The following CTNNA2 variants were observed in gnomAD, a reference collection of about 807,000 sequenced individuals.
The protein encoded by CTNNA2 is catenin alpha 2.
CTNNA2 carries 42 observed loss-of-function variants against 101.0 expected under a neutral mutation model. The observed-to-expected ratio is 0.42, with a 90% CI of 0.32 to 0.54. CTNNA2 has a LOEUF of 0.54. Ranked by LOEUF, CTNNA2 falls within the 20% of genes least tolerant of loss-of-function variation. The probability of loss-of-function intolerance (pLI) is 0.14; values close to 1 mark genes in which losing one functional copy is unlikely to be tolerated. For missense variants in CTNNA2, 871 were observed against 1,223.1 expected (o/e 0.71, Z 4.29); for synonymous variants, 450 against 456.4 (o/e 0.99, Z 0.18).
chr2:80,078,541 G>A (rs11685846), intron 7 of CTNNA2, among the ~76,000 whole-genome samples: 190 of 152,294 alleles, frequency 1.2e-3, no homozygotes, highest in Admixed American at 3.1e-3. Flanking sequence ...ACAGCCCCGC[G>A]GGCATCTGTA....
intron 7 of CTNNA2, among the ~76,000 whole-genome samples, chr2:80,165,893 G>A (rs1191788775): frequency 6.6e-6 from 1 of 152,146 alleles, no homozygotes; most frequent in Non-Finnish European, 1.5e-5. Context: ...AGCCTCATAA[G>A]GGTGGAAGTC....
chr2:80,038,907 A>G (rs889121642), intron 7 of CTNNA2, among the ~76,000 whole-genome samples: 29 of 152,186 alleles, frequency 1.9e-4, no homozygotes, highest in African/African-American at 6.5e-4. Context: ...CACTTTATCA[A>G]CACATGGACC....
chr2:79,554,721 T>C (rs1367924237), intron 1 of CTNNA2, among the ~76,000 whole-genome samples: 1 of 152,154 alleles, frequency 6.6e-6, no homozygotes, highest in Non-Finnish European at 1.5e-5. Flanking sequence ...TGCTAGACAC[T>C]CTATTAAATT....
intron 7 of CTNNA2, among the ~76,000 whole-genome samples, chr2:80,345,965 G>A (rs888019358): frequency 3.9e-5 from 6 of 152,006 alleles, no homozygotes; most frequent in African/African-American, 1.5e-4. Flanking sequence ...TGCAGATTGA[G>A]GATAAAGGGC....
chr2:79,241,878 T>G (rs1674629524), intron 2 of CTNNA2, among the ~76,000 whole-genome samples: 2 of 145,392 alleles, frequency 1.4e-5, no homozygotes, highest in African/African-American at 5.0e-5. Context: ...CGAATCACAT[T>G]TGGGTATTTT....
intron 7 of CTNNA2, among the ~76,000 whole-genome samples, chr2:80,091,433 C>T (rs1246226055): frequency 6.6e-6 from 1 of 151,950 alleles, no homozygotes; most frequent in African/African-American, 2.4e-5. Flanking sequence ...TGGTTTGTGC[C>T]CTGTCTTATC....
In CTNNA2 at chr2:79,491,259, TA is replaced by T. The variant is rs1453543100; in HGVS notation, c.-134-13789del. ...ACTTTGAAGCCCATCACAAAATGACTAAAAAAGGGGGCTCAATGTGGCAGTC... is the reference window on the plus strand; with the variant it reads ...ACTTTGAAGCCCATCACAAAATGACTAAAAAGGGGGCTCAATGTGGCAGTC... On this transcript the variant is annotated intron_variant, in intron 4 of 21. Coordinates refer to the CTNNA2 transcript ENST00000466387. 2.0e-5 allele frequency among the ~76,000 whole-genome samples: 3 copies of T among 152,038 alleles called. No individual in the cohort carries two copies. The East Asian group carries it at 5.8e-4, about 29-fold the overall frequency.
At chr2:80,643,073 AACATAGTATTTTGATGTTTTAAG>A (rs1673668213) in intron 18 of CTNNA2, among the ~76,000 whole-genome samples, 1 of 152,150 alleles carries the variant, frequency 6.6e-6, no homozygotes, top group South Asian at 2.1e-4. Context: ...TTTTCTTTTA[AACATAGTATTTTGATGTTTTAAG>A]AGAATCATAA....
At chr2:80,353,010 G>A (rs1447023129) in intron 7 of CTNNA2, among the ~76,000 whole-genome samples, 1 of 152,038 alleles carries the variant, frequency 6.6e-6, no homozygotes. Context: ...CAGTGCTTGA[G>A]AAGACAAAAC....
intron 1 of CTNNA2, among the ~76,000 whole-genome samples, chr2:79,632,241 C>G (rs1328941490): frequency 6.6e-6 from 1 of 152,004 alleles, no homozygotes; most frequent in Non-Finnish European, 1.5e-5. Context: ...ATTATAACCA[C>G]TTTGTAAAAT....
intron 1 of CTNNA2, among the ~76,000 whole-genome samples, chr2:79,589,097 C>G (rs1394309104): frequency 6.6e-6 from 1 of 152,188 alleles, no homozygotes; most frequent in Non-Finnish European, 1.5e-5. Flanking sequence ...ACACTTTCAC[C>G]TGTTAGCTGG....
chr2:80,645,437 G>A (rs1219254009), intron 18 of CTNNA2, among the ~76,000 whole-genome samples: 2 of 152,104 alleles, frequency 1.3e-5, no homozygotes, highest in East Asian at 3.9e-4. Context: ...TGTGTATGAC[G>A]GAAGTCCTGA....
intron 1 of CTNNA2, among the ~76,000 whole-genome samples, chr2:79,631,891 T>C (rs1167944158): frequency 6.6e-6 from 1 of 152,212 alleles, no homozygotes; most frequent in East Asian, 1.9e-4. Context: ...CAGTTCTAGG[T>C]GAATTATGAC....
intron 2 of CTNNA2, among the ~76,000 whole-genome samples, chr2:79,300,210 C>G (rs149025626): frequency 2.6e-5 from 4 of 152,170 alleles, no homozygotes; most frequent in African/African-American, 9.7e-5. Flanking sequence ...CAAACCCCGG[C>G]AACCAGTGAT....
rs75798942 is a variant in CTNNA2 at position 80,226,315 on chromosome 2, G to A, written c.1057-166896G>A. Among the ~76,000 whole-genome samples the A allele has an allele frequency of 4.5e-3, 692 of 152,262 alleles. 3 individuals carry two copies. The highest frequency in any genetic ancestry group is 0.016 in the African/African-American group (649 of 41,556). Reference sequence around the variant, plus strand: ...AGGGATAAAGGCATGGTTTTAAACCGAACTCCTCTGAGGGACTGGAGGCCT... The same window carrying A: ...AGGGATAAAGGCATGGTTTTAAACCAAACTCCTCTGAGGGACTGGAGGCCT... On this transcript the variant is annotated intron_variant, in intron 7 of 18. Transcript: ENST00000402739.
At chr2:79,410,415 T>G (rs1475852326) in intron 4 of CTNNA2, among the ~76,000 whole-genome samples, 1 of 151,172 alleles carries the variant, frequency 6.6e-6, no homozygotes, top group Non-Finnish European at 1.5e-5. Context: ...TTTTGCCCAT[T>G]CAGTATGATA....
At chr2:79,790,699 C>G (rs911846369) in intron 3 of CTNNA2, among the ~76,000 whole-genome samples, 3 of 152,110 alleles carry the variant, frequency 2.0e-5, no homozygotes, top group Non-Finnish European at 1.5e-5. Context: ...ACCAGTTATA[C>G]CTATCATTCA....
At chr2:80,099,643 A>G (rs1167254887) in intron 7 of CTNNA2, among the ~76,000 whole-genome samples, 4 of 152,110 alleles carry the variant, frequency 2.6e-5, no homozygotes, top group African/African-American at 9.7e-5. Context: ...ACCAAAATGC[A>G]GATTGCAGAT....
At chr2:79,410,417 A>C (rs1314759095) in intron 4 of CTNNA2, among the ~76,000 whole-genome samples, 1 of 151,262 alleles carries the variant, frequency 6.6e-6, no homozygotes. Context: ...TTGCCCATTC[A>C]GTATGATATT....
Sources: allele counts gnomAD v4.1 joint callset (sites outside exome capture counted in the v4.1 genomes callset), GRCh38; gene constraint gnomAD v4.1.1; transcripts MANE v1.5; gene names NCBI Gene and HGNC (gene_info 2026-07-23, HGNC 2026-07-21).